EDEM3: variants seen among roughly 807,000 people sequenced by gnomAD.
The protein encoded by EDEM3 is ER degradation enhancing alpha-mannosidase like protein 3.
Under a neutral mutation model 110.2 loss-of-function variants are expected in EDEM3, and 60 were observed. The observed-to-expected ratio is 0.54, with a 90% CI of 0.44 to 0.67. The LOEUF is 0.67. Among genes scored for constraint, EDEM3 ranks in the 30% least tolerant of loss-of-function variants. EDEM3 has a pLI of 0.00. For missense variants in EDEM3, 996 were observed against 1,121.0 expected, an observed-to-expected ratio of 0.89 and a Z score of 1.59; for synonymous variants, 352 against 382.9, an observed-to-expected ratio of 0.92 and a Z score of 0.94.
intron 17 of EDEM3, 148 bp from the exon 18 acceptor site, chr1:184,706,956 G>T: frequency 1.2e-6 from 1 of 856,640 alleles, no homozygotes; most frequent in Non-Finnish European, 1.7e-6. Flanking sequence ...ATAAAATATT[G>T]TTTTAAACAT....
chr1:184,712,999 A>G (rs996766948), intron 13 of EDEM3, among the ~76,000 whole-genome samples: 1 of 152,210 alleles, frequency 6.6e-6, no homozygotes, highest in Admixed American at 6.5e-5. Context: ...AATTTGACGG[A>G]ATTTATTATG....
At chr1:184,711,397 GC>G (rs1161034741) in intron 15 of EDEM3, among the ~76,000 whole-genome samples, 1 of 152,040 alleles carries the variant, frequency 6.6e-6, no homozygotes, top group Non-Finnish European at 1.5e-5. Context: ...ATCATGCCTG[GC>G]CAGAAAATAT....
At chr1:184,714,250 ACAT>A (rs1341103928) in intron 13 of EDEM3, among the ~76,000 whole-genome samples, 3 of 152,230 alleles carry the variant, frequency 2.0e-5, no homozygotes, top group African/African-American at 7.2e-5. Context: ...AGCAAGTTGA[ACAT>A]CAGATCATAT....
intron 19 of EDEM3, among the ~76,000 whole-genome samples, chr1:184,701,051 A>G (rs780043639): frequency 1.3e-5 from 2 of 152,036 alleles, no homozygotes; most frequent in Non-Finnish European, 2.9e-5. Flanking sequence ...TTCACCAAGA[A>G]TTCTTATTTT....
chr1:184,712,498 T>C lies in EDEM3; in HGVS notation c.1471A>G (p.Thr491Ala). The C allele has an allele frequency of 2.5e-6, 4 of 1,607,354 alleles. No homozygotes were observed. Among genetic ancestry groups the C allele is most frequent in the Non-Finnish European group, 8.5e-7 (1 of 1,177,516 alleles). The change falls in exon 14 of 20, where the codon ACA becomes GCA. Residue 491 changes from threonine to alanine, a missense_variant. Physicochemically the swap from Thr to Ala is moderately conservative, Grantham distance 58. This residue lies in a region of EDEM3 where 138 missense variants were observed against 124.3 expected (regional missense o/e 1.11). Coordinates refer to ENST00000318130, the MANE Select transcript of EDEM3 (RefSeq NM_025191.4). ...IFDIEDYIFT[T>A]EAHLLPLWLS... ...CAAAGAGGTAACAGATGAGCTTCTG[T>C]TGTAAAGATGTAATCTTCTATGTCA...
At chr1:184,723,945 CAA>C in intron 7 of EDEM3, 89 bp from the exon 8 acceptor site, 1 of 919,264 alleles carries the variant, frequency 1.1e-6, no homozygotes, top group Non-Finnish European at 1.6e-6. Flanking sequence ...AAACAAAACT[CAA>C]AGGCCGATAG....
At chr1:184,718,258 T>A in intron 11 of EDEM3, among the ~76,000 whole-genome samples, 1 of 152,194 alleles carries the variant, frequency 6.6e-6, no homozygotes, top group South Asian at 2.1e-4. Context: ...ATAAATAAAA[T>A]TAGTCTATTT....
At chr1:184,733,046 A>G in intron 5 of EDEM3, 56 bp from the exon 6 acceptor site, 1 of 1,526,292 alleles carries the variant, frequency 6.6e-7, no homozygotes, top group Non-Finnish European at 8.8e-7. Context: ...AAAAGTTACC[A>G]TCTAAAAAGG....
rs964574218 is a variant in EDEM3, at chr1:184,694,006, A to C, written c.*57T>G. On this transcript the variant is annotated 3_prime_UTR_variant, in exon 20 of 20. Coordinates refer to ENST00000318130, the MANE Select transcript of EDEM3 (RefSeq NM_025191.4). ...CCTGCTTAGTATTAGGATGTCTATTAACCACACACAGTTTACCTTTTCTTT... is the reference window on the plus strand; with the variant it reads ...CCTGCTTAGTATTAGGATGTCTATTCACCACACACAGTTTACCTTTTCTTT... 16 of 1,539,682 alleles carry C rather than the reference A, an allele frequency of 1.0e-5. No homozygotes were observed. In the African/African-American group the frequency reaches 1.8e-4, roughly 17 times the overall value.
chr1:184,711,596 G>T, intron 15 of EDEM3, 127 bp downstream of exon 15: 1 of 652,558 alleles, frequency 1.5e-6, no homozygotes, highest in Non-Finnish European at 2.3e-6. Flanking sequence ...ACCAGTGATA[G>T]CTACATACCT....
chr1:184,696,194 T>G (rs57351171), intron 19 of EDEM3, among the ~76,000 whole-genome samples: 3,670 of 152,016 alleles, frequency 0.024, 146 homozygotes, highest in African/African-American at 0.083. Context: ...CAGACTTTTC[T>G]TCTGTTCTTC....
rs567204374 is a variant in EDEM3 at position 184,711,842 on chromosome 1, G to A, written c.1572C>T (p.Phe524=). 1.1e-5 allele frequency: 17 copies of A among 1,613,086 alleles called. No individual in the cohort carries two copies. Among genetic ancestry groups the A allele is most frequent in the South Asian group, 7.7e-5 (7 of 90,938 alleles). ...TCTGAGTATTTGGACAAGTCCAATC[G>A]AAGTTACTGTCATCCAGTTCTGTAT... ...SEYTELDDSN[F]DWTCPNTQIL... is the part of the protein sequence containing the mutation. Residue 524 remains phenylalanine (F), a synonymous_variant, in exon 15 of 20, where the codon TTC becomes TTT. Coordinates refer to ENST00000318130, the MANE Select transcript of EDEM3 (RefSeq NM_025191.4).
At chr1:184,703,379 A>C (rs1447051183) in intron 18 of EDEM3, among the ~76,000 whole-genome samples, 1 of 152,208 alleles carries the variant, frequency 6.6e-6, no homozygotes, top group Non-Finnish European at 1.5e-5. Flanking sequence ...GAAAGGAAAA[A>C]ATCAATGACT....
chr1:184,751,603 C>T (rs1291887796), intron 1 of EDEM3, among the ~76,000 whole-genome samples: 2 of 152,048 alleles, frequency 1.3e-5, no homozygotes, highest in Non-Finnish European at 2.9e-5. Flanking sequence ...AACAAAGTCA[C>T]ATTTAAATAC....
intron 7 of EDEM3, among the ~76,000 whole-genome samples, chr1:184,724,441 G>T (rs12094196): frequency 0.076 from 11,533 of 152,134 alleles, 512 homozygotes; most frequent in African/African-American, 0.12. Flanking sequence ...TGACATGTTT[G>T]TCTTTTTCTC....
intron 19 of EDEM3, among the ~76,000 whole-genome samples, chr1:184,698,762 T>A (rs9660352): frequency 0.12 from 17,797 of 151,338 alleles, 2,318 homozygotes; most frequent in African/African-American, 0.32. Flanking sequence ...TAAATTTAAA[T>A]GTAGAGAAGC....
At chr1:184,753,063 ACC>A (rs1652853785) in intron 1 of EDEM3, among the ~76,000 whole-genome samples, 1 of 152,150 alleles carries the variant, frequency 6.6e-6, no homozygotes, top group Non-Finnish European at 1.5e-5. Flanking sequence ...CCATCAAGTG[ACC>A]TTTATTGCTA....
chr1:184,741,833 T>C (rs1652159005), intron 2 of EDEM3, among the ~76,000 whole-genome samples: 1 of 152,168 alleles, frequency 6.6e-6, no homozygotes, highest in Non-Finnish European at 1.5e-5. Flanking sequence ...ATTTGAATGG[T>C]TATAAAATGG....
At chr1:184,702,688 TAA>T in intron 19 of EDEM3, 121 bp downstream of exon 19, 1 of 605,408 alleles carries the variant, frequency 1.7e-6, no homozygotes, top group Non-Finnish European at 2.6e-6. Flanking sequence ...AATCATCTTC[TAA>T]AAGTTTTACT....
Sources: gnomAD v4.1 joint callset for allele counts (sites outside exome capture counted in the v4.1 genomes callset) on GRCh38, gnomAD v4.1.1 for gene constraint, gnomAD v4.1.1 regional missense constraint, MANE v1.5 for transcripts, NCBI Gene and HGNC (gene_info 2026-07-23, HGNC 2026-07-21) for gene names.